Variants in SYNRG observed in about 807,000 individuals in gnomAD.
The protein encoded by SYNRG is synergin gamma.
A neutral mutation model predicts 130.9 loss-of-function variants in SYNRG; 37 were observed. That is an observed-to-expected ratio of 0.28 (90% CI 0.22 to 0.37). The LOEUF is 0.37. Among genes scored for constraint, SYNRG ranks in the 10% least tolerant of loss-of-function variants. The pLI is 1.00. For synonymous variants in SYNRG, 539 were observed against 568.1 expected (o/e 0.95, Z 0.73); for missense variants, 1,338 against 1,588.9 (o/e 0.84, Z 2.68).
chr17:37,542,438 G>C lies in SYNRG; in HGVS notation c.2736C>G (p.Val912=), dbSNP rs1366869086. The C allele has an allele frequency of 1.2e-6, 2 of 1,614,150 alleles. No homozygotes were observed. The highest frequency in any genetic ancestry group is 2.2e-5 in the South Asian group (2 of 91,076). ...ATQGRKLSPF[V]LSAGSGSPSA... is the part of the protein sequence containing the mutation. ...AGGGGGATCCACTTCCTGCTGAGAG[G>C]ACAAATGGAGAGAGTTTTCTGCCCT... The change falls in exon 15 of 22, where the codon GTC becomes GTG. Residue 912 remains valine, a synonymous_variant. Transcript: ENST00000612223.
intron 1 of SYNRG, 70 bp downstream of exon 1, chr17:37,609,209 C>CA: frequency 7.3e-7 from 1 of 1,360,550 alleles, no homozygotes; most frequent in Non-Finnish European, 9.5e-7. Context: ...AGAAAACTGC[C>CA]ATAACTGCCA....
chr17:37,607,238 C>T (rs2063826827), intron 1 of SYNRG, among the ~76,000 whole-genome samples: 1 of 152,066 alleles, frequency 6.6e-6, no homozygotes, highest in Non-Finnish European at 1.5e-5. Context: ...AAATTCAACC[C>T]ATATTTATTT....
At chr17:37,519,493 C>T (rs1407016250) in intron 21 of SYNRG, among the ~76,000 whole-genome samples, 1 of 152,080 alleles carries the variant, frequency 6.6e-6, no homozygotes, top group Non-Finnish European at 1.5e-5. Context: ...ACAAGCCTAT[C>T]ATGACAAAAA....
At chr17:37,565,676 G>A (rs1268300605) in intron 11 of SYNRG, among the ~76,000 whole-genome samples, 1 of 150,622 alleles carries the variant, frequency 6.6e-6, no homozygotes, top group African/African-American at 2.5e-5. Flanking sequence ...CTGAGATGTG[G>A]GGAGCGCCTC....
chr17:37,552,933 C>T (rs2058816803), intron 14 of SYNRG, among the ~76,000 whole-genome samples, 182 bp downstream of exon 14: 1 of 152,188 alleles, frequency 6.6e-6, no homozygotes, highest in African/African-American at 2.4e-5. Flanking sequence ...GCCATAGTAT[C>T]CATATCAAGT....
chr17:37,600,733 C>A (rs1281780876), intron 1 of SYNRG: 1 of 414,386 alleles, frequency 2.4e-6, no homozygotes, highest in Non-Finnish European at 4.4e-6. Context: ...TGAGTGTCAA[C>A]TACATGAAAT....
At chr17:37,543,488 T>C (rs1274324983) in intron 14 of SYNRG, among the ~76,000 whole-genome samples, 1 of 152,232 alleles carries the variant, frequency 6.6e-6, no homozygotes, top group Non-Finnish European at 1.5e-5. Flanking sequence ...TACCTACTAT[T>C]TGTATGACAC....
chr17:37,520,341 G>GT, intron 20 of SYNRG, 127 bp from the exon 21 acceptor site: 3 of 1,285,492 alleles, frequency 2.3e-6, no homozygotes, highest in Non-Finnish European at 3.4e-6. Flanking sequence ...CTGCAGGCAT[G>GT]AGAGCCGCGT....
At chr17:37,576,245 T>C in intron 8 of SYNRG, 96 bp downstream of exon 8, 1 of 1,236,426 alleles carries the variant, frequency 8.1e-7, no homozygotes, top group Non-Finnish European at 1.1e-6. Flanking sequence ...TCCTCCTGCA[T>C]TTTTTGTAAG....
At chr17:37,556,679 T>A (rs962389728) in intron 13 of SYNRG, among the ~76,000 whole-genome samples, 9 of 152,148 alleles carry the variant, frequency 5.9e-5, no homozygotes, top group Non-Finnish European at 8.8e-5. Context: ...TCAGATTTCC[T>A]GTAATTTATA....
chr17:37,583,765 G>A (rs1044103690), intron 6 of SYNRG, among the ~76,000 whole-genome samples: 3 of 152,138 alleles, frequency 2.0e-5, no homozygotes, highest in Admixed American at 2.0e-4. Context: ...CATGATCTCG[G>A]CTCACTGTAA....
intron 14 of SYNRG, among the ~76,000 whole-genome samples, chr17:37,545,805 TTTAAA>T (rs2058232360): frequency 6.6e-6 from 1 of 152,232 alleles, no homozygotes; most frequent in South Asian, 2.1e-4. Context: ...AAAATTGAGT[TTTAAA>T]TTTACTTTTG....
rs1450508608 is a variant in SYNRG, at chr17:37,609,314, G to A, written c.42C>T (p.Ala14=). The A allele has an allele frequency of 1.4e-6, 2 of 1,463,710 alleles. No individual in the cohort carries two copies. Among genetic ancestry groups the A allele is most frequent in the East Asian group, 3.0e-5 (1 of 33,648 alleles). 90.7% of individuals were successfully genotyped at this position (1,463,710 alleles called of 1,614,324 possible). The change falls in exon 1 of 22, where the codon GCC becomes GCT. Residue 14 remains alanine, a synonymous_variant. Coordinates refer to ENST00000612223, the MANE Select transcript of SYNRG (RefSeq NM_007247.6). ...RPGAGSGGGG[A]AGAGAGSAGG... ...CGGCGGACCCCGCGCCAGCTCCCGCGGCCCCGCCGCCACCAGAACCAGCTC... is the reference window on the plus strand; with the variant it reads ...CGGCGGACCCCGCGCCAGCTCCCGCAGCCCCGCCGCCACCAGAACCAGCTC...
At chr17:37,556,778 G>T (rs987667326) in intron 13 of SYNRG, among the ~76,000 whole-genome samples, 4 of 152,188 alleles carry the variant, frequency 2.6e-5, no homozygotes, top group African/African-American at 9.7e-5. Context: ...TAGAATTTTA[G>T]ATTAGTAGTA....
In SYNRG at chr17:37,542,437, G is replaced by C. The variant is rs144772635; in HGVS notation, c.2737C>G (p.Leu913Val). 1.9e-6 allele frequency: 3 copies of C among 1,614,042 alleles called. No individual in the cohort carries two copies. In the African/African-American group the frequency reaches 4.0e-5, roughly 22 times the overall value. Residue 913 changes from leucine (L) to valine (V), a missense_variant, in exon 15 of 22, where the codon CTC (leucine) becomes GTC (valine). Leu to Val is a conservative substitution (Grantham distance 32, BLOSUM62 1). Coordinates refer to ENST00000612223, the MANE Select transcript of SYNRG (RefSeq NM_007247.6). ...TQGRKLSPFV[L>V]SAGSGSPSAT... ...GAGGGGGATCCACTTCCTGCTGAGA[G>C]GACAAATGGAGAGAGTTTTCTGCCC...
At chr17:37,557,524 T>A (rs1049470007) in intron 13 of SYNRG, among the ~76,000 whole-genome samples, 1 of 152,164 alleles carries the variant, frequency 6.6e-6, no homozygotes, top group South Asian at 2.1e-4. Flanking sequence ...AGAATTAAAG[T>A]TAAGATAGGA....
chr17:37,521,532 C>T (rs1431862432), intron 19 of SYNRG, among the ~76,000 whole-genome samples: 3 of 152,006 alleles, frequency 2.0e-5, no homozygotes, highest in South Asian at 2.1e-4. Context: ...GAGATGAAGC[C>T]GCAGCACGAG....
At chr17:37,549,597 T>A (rs1198207183) in intron 14 of SYNRG, among the ~76,000 whole-genome samples, 1 of 152,058 alleles carries the variant, frequency 6.6e-6, no homozygotes, top group Non-Finnish European at 1.5e-5. Flanking sequence ...AGTACCCAAT[T>A]TTTCTTTCTT....
rs1326302220 is a variant in SYNRG, at chr17:37,515,254, G to C, written c.*3686C>G. On this transcript the variant is annotated 3_prime_UTR_variant, in exon 22 of 22. Transcript: ENST00000612223. The stretch of plus-strand genomic sequence containing the variant: ...GGCAAGGGGAGGGCTTTTCAGTATT[G>C]TTATTTGGTACACACTTACCTGAAG... 1 of 152,060 alleles carries C rather than the reference G, an allele frequency of 6.6e-6. No homozygotes were observed. The highest frequency in any genetic ancestry group is 1.5e-5 in the Non-Finnish European group (1 of 68,012). 9.4% of individuals were successfully genotyped at this position (152,060 alleles called of 1,614,324 possible).
Sources: gnomAD v4.1 joint callset for allele counts (sites outside exome capture counted in the v4.1 genomes callset) on GRCh38, gnomAD v4.1.1 for gene constraint, MANE v1.5 for transcripts, NCBI Gene and HGNC (gene_info 2026-07-23, HGNC 2026-07-21) for gene names.